ERI1: variants seen among roughly 807,000 people sequenced by gnomAD.
The protein encoded by ERI1 is 3'-5' exoribonuclease 1.
In ERI1, 39 loss-of-function variants were observed where a neutral mutation model predicts 39.7. That is an observed-to-expected ratio of 0.98 (90% CI 0.76 to 1.28). ERI1 has a LOEUF of 1.28. Ranked by LOEUF, ERI1 falls within the 50% of genes most tolerant of loss-of-function variation. The pLI is 0.00. For missense variants in ERI1, 581 were observed against 416.9 expected (o/e 1.39, Z -3.43); for synonymous variants, 204 against 149.6 (o/e 1.36, Z -2.65).
intron 3 of ERI1, chr8:9,096,707 T>TC (rs1228738330): frequency 1.1e-5 from 1 of 87,412 alleles, no homozygotes; most frequent in Non-Finnish European, 2.3e-5. Context: ...TCTATTGCCA[T>TC]CTTTTTTTTT....
At chr8:9,037,804 T>C (rs769730517), downstream of ERI1, among the ~76,000 whole-genome samples, 30 of 151,838 alleles carry the variant, frequency 2.0e-4, no homozygotes, top group Non-Finnish European at 4.0e-4. Flanking sequence ...AATCCCTGTC[T>C]ATGCTTGACT....
chr8:9,016,116 A>G (rs1372256510), intron 3 of ERI1, among the ~76,000 whole-genome samples: 2 of 152,212 alleles, frequency 1.3e-5, no homozygotes, highest in Non-Finnish European at 1.5e-5. Flanking sequence ...ACTTTATCGT[A>G]AAATATTTTA....
At chr8:9,004,217 T>A (rs1815708090) in intron 1 of ERI1, 1 of 1,271,474 alleles carries the variant, frequency 7.9e-7, no homozygotes, top group African/African-American at 1.5e-5. Context: ...AAAGAGTACT[T>A]GCACATCCCT....
At chr8:9,005,514 GTTTTT>G (rs60847461) in intron 1 of ERI1, among the ~76,000 whole-genome samples, 2,503 of 130,810 alleles carry the variant, frequency 0.019, 75 homozygotes, top group African/African-American at 0.066. Context: ...GTTTTTTTAT[GTTTTT>G]TTTTTTTTTT....
intron 1 of ERI1, chr8:9,004,146 C>T (rs1428668589): frequency 3.9e-6 from 5 of 1,289,258 alleles, no homozygotes; most frequent in Non-Finnish European, 5.1e-6. Flanking sequence ...GTTCCTTTTG[C>T]CCTGTGTGCA....
chr8:9,050,751 C>T (rs1377940014), intron 3 of ERI1, among the ~76,000 whole-genome samples: 1 of 152,164 alleles, frequency 6.6e-6, no homozygotes, highest in Admixed American at 6.5e-5. Context: ...AGCTTCAGGA[C>T]TTGTTAGCTG....
chr8:9,031,537 C>T lies in ERI1; in HGVS notation c.*1503C>T, dbSNP rs1047778575. On this transcript the variant is annotated 3_prime_UTR_variant, in exon 7 of 7. Transcript: ENST00000250263. The stretch of plus-strand genomic sequence containing the variant: ...GATGTATGCTGAGATGTTTGTGCAT[C>T]CCAGATAGCACTGTACAATAACCTG... 3 of 152,088 alleles carry T rather than the reference C, an allele frequency of 2.0e-5. No homozygotes were observed. Among genetic ancestry groups the T allele is most frequent in the Non-Finnish European group, 2.9e-5 (2 of 68,012 alleles). 9.4% of individuals were successfully genotyped at this position (152,088 alleles called of 1,614,324 possible).
intron 4 of ERI1, among the ~76,000 whole-genome samples, chr8:9,016,787 G>A (rs556498853): frequency 1.3e-5 from 2 of 152,302 alleles, no homozygotes; most frequent in East Asian, 1.9e-4. Context: ...CTGGGCTCAA[G>A]CGATTCTCCT....
At chr8:9,023,633 A>G (rs536682761) in intron 6 of ERI1, among the ~76,000 whole-genome samples, 4 of 152,052 alleles carry the variant, frequency 2.6e-5, no homozygotes, top group South Asian at 4.2e-4. Context: ...CTATAATGCA[A>G]TTAGTTGTAT....
chr8:9,035,240 G>A (rs2117329599), downstream of ERI1, among the ~76,000 whole-genome samples: 1 of 152,220 alleles, frequency 6.6e-6, no homozygotes, highest in South Asian at 2.1e-4. Context: ...AATGAAGGTG[G>A]CCACACCATA....
At chr8:9,007,036 A>C (rs1437019729) in intron 1 of ERI1, among the ~76,000 whole-genome samples, 2 of 152,234 alleles carry the variant, frequency 1.3e-5, no homozygotes, top group Non-Finnish European at 2.9e-5. Flanking sequence ...ATTTTTCAAA[A>C]TTATGGAACA....
intron 3 of ERI1, among the ~76,000 whole-genome samples, chr8:9,060,548 T>C (rs1281495669): frequency 1.3e-5 from 2 of 151,878 alleles, no homozygotes; most frequent in Non-Finnish European, 2.9e-5. Context: ...AAATGAGAGG[T>C]TCTAAGAGAC....
At chr8:9,088,574 G>A (rs2117470616) in intron 3 of ERI1, 1 of 152,346 alleles carries the variant, frequency 6.6e-6, no homozygotes, top group South Asian at 2.1e-4. Context: ...TTAACAGTGA[G>A]TATCTCTCTG....
At chr8:9,004,571 G>A (rs1485116021) in intron 1 of ERI1, among the ~76,000 whole-genome samples, 1 of 150,736 alleles carries the variant, frequency 6.6e-6, no homozygotes, top group South Asian at 2.1e-4. Flanking sequence ...AGGCTCAGTG[G>A]GGAGGATCAC....
At chr8:9,008,977 A>G (rs1035442959) in intron 2 of ERI1, 3 of 456,122 alleles carry the variant, frequency 6.6e-6, no homozygotes, top group Admixed American at 4.7e-5. Context: ...TGTCTACATC[A>G]TAATGTATGA....
chr8:9,015,337 GC>G (rs1171168887), intron 3 of ERI1, among the ~76,000 whole-genome samples: 2 of 152,080 alleles, frequency 1.3e-5, no homozygotes, highest in Admixed American at 6.5e-5. Flanking sequence ...AACAGTTGCT[GC>G]CTTTAAATCT....
At chr8:9,065,687 T>A (rs1585276948) in intron 3 of ERI1, among the ~76,000 whole-genome samples, 1 of 67,366 alleles carries the variant, frequency 1.5e-5, no homozygotes, top group African/African-American at 5.8e-5. Flanking sequence ...AGAGCGAGAC[T>A]CCATCTCAAA....
Position 9,003,186 on chromosome 8 carries a change from C to G in ERI1, c.108+15C>G, listed in dbSNP as rs573980907. Reference sequence around the variant, plus strand: ...CCAGTCCCGAGGTGAGGAGTCGACCCGCGCCTGGCTGTTGGCGCCAGCTGC... The same window carrying G: ...CCAGTCCCGAGGTGAGGAGTCGACCGGCGCCTGGCTGTTGGCGCCAGCTGC... On this transcript the variant is annotated intron_variant, in intron 1 of 6. Transcript: ENST00000250263. 5.7e-6 allele frequency: 7 copies of G among 1,236,842 alleles called. No individual in the cohort carries two copies. The South Asian group carries it at 2.0e-4, about 35-fold the overall frequency. The allele number at this position is 1,236,842 out of a possible 1,614,324, so 76.6% of individuals were successfully genotyped here.
At chr8:9,017,356 G>T (rs1373000311) in intron 4 of ERI1, among the ~76,000 whole-genome samples, 3 of 152,056 alleles carry the variant, frequency 2.0e-5, no homozygotes, top group African/African-American at 7.2e-5. Flanking sequence ...GAATTTTTAG[G>T]TCTCTGATTT....
Sources: allele counts gnomAD v4.1 joint callset (sites outside exome capture counted in the v4.1 genomes callset), GRCh38; gene constraint gnomAD v4.1.1; transcripts MANE v1.5; gene names NCBI Gene and HGNC (gene_info 2026-07-23, HGNC 2026-07-21).